The following ADPGK variants were observed in gnomAD, a reference collection of about 807,000 sequenced individuals.
ADPGK encodes ADP dependent glucokinase, also known as ADP-dependent glucokinase.
In ADPGK, 26 loss-of-function variants were observed where a neutral mutation model predicts 42.4. The observed-to-expected ratio is 0.61, with a 90% confidence interval of 0.45 to 0.85. ADPGK has a LOEUF of 0.85. ADPGK is among the 40% of genes least tolerant of loss of function. The probability of loss-of-function intolerance (pLI) is 0.00; values close to 1 mark genes in which losing one functional copy is unlikely to be tolerated. For synonymous variants in ADPGK, 267 were observed against 252.6 expected (o/e 1.06, Z -0.54); for missense variants, 571 against 627.0 (o/e 0.91, Z 0.95).
intron 4 of ADPGK, 185 bp downstream of exon 4, chr15:72,760,222 T>TC (rs1274594497): frequency 3.4e-6 from 2 of 585,478 alleles, no homozygotes; most frequent in Non-Finnish European, 5.3e-6. Context: ...GTTATAATAC[T>TC]CAGTCTCCCT....
chr15:72,772,461 T>C lies in ADPGK; in HGVS notation c.460-616A>G, dbSNP rs1321143328. On this transcript the variant is annotated intron_variant, in intron 2 of 6. Coordinates refer to ENST00000456471, the MANE Select transcript of ADPGK (RefSeq NM_001365225.1). ...ATCACTTTCCAAGAATCAGCTGCAG[T>C]GTCACCTCTTCTGTAATGCCTTCTC... Among the ~76,000 whole-genome samples, 3 of 152,154 alleles carry C rather than the reference T, an allele frequency of 2.0e-5. No individual in the cohort carries two copies. In the East Asian group the frequency reaches 5.8e-4, roughly 29 times the overall value.
chr15:72,781,189 G>A (rs2066453776), intron 1 of ADPGK, among the ~76,000 whole-genome samples: 2 of 152,150 alleles, frequency 1.3e-5, no homozygotes. Flanking sequence ...TAAATGATGA[G>A]AAGCAGTGAA....
intron 3 of ADPGK, among the ~76,000 whole-genome samples, chr15:72,767,236 G>A (rs1019405136): frequency 6.6e-6 from 1 of 152,098 alleles, no homozygotes; most frequent in Non-Finnish European, 1.5e-5. Context: ...TTAAAGGGAT[G>A]TAACAATCCT....
chr15:72,753,364 A>G (rs1214077063), intron 6 of ADPGK, among the ~76,000 whole-genome samples: 1 of 152,228 alleles, frequency 6.6e-6, no homozygotes, highest in Non-Finnish European at 1.5e-5. Flanking sequence ...AAAAGCATAC[A>G]GTTTCATGTT....
At chr15:72,776,291 C>T (rs976623031) in intron 1 of ADPGK, among the ~76,000 whole-genome samples, 2 of 152,162 alleles carry the variant, frequency 1.3e-5, no homozygotes, top group African/African-American at 4.8e-5. Context: ...CTTCCCGCCC[C>T]TACCCCTATC....
Position 72,758,198 on chromosome 15 carries a change from G to A in ADPGK, c.644-1751C>T, listed in dbSNP as rs775022831. The A allele has an allele frequency of 1.5e-5, 21 of 1,432,466 alleles. No homozygotes were observed. The South Asian group carries it at 1.5e-4, about 10-fold the overall frequency. 88.7% of individuals were successfully genotyped at this position (1,432,466 alleles called of 1,614,324 possible). ...CTCCAGCATATTCATGGCCCCGTTG[G>A]AGAGGCCATGCAGGGGGCAGATGCA... On this transcript the variant is annotated intron_variant, in intron 4 of 6. Coordinates refer to ENST00000456471, the MANE Select transcript of ADPGK (RefSeq NM_001365225.1).
intron 1 of ADPGK, among the ~76,000 whole-genome samples, chr15:72,775,525 T>C (rs1026403045): frequency 1.2e-4 from 19 of 152,228 alleles, no homozygotes; most frequent in Admixed American, 6.5e-4. Context: ...ATTTAACTCA[T>C]AGAGCTATGG....
intron 3 of ADPGK, among the ~76,000 whole-genome samples, chr15:72,761,905 C>T (rs1595793383): frequency 6.6e-6 from 1 of 151,856 alleles, no homozygotes; most frequent in East Asian, 1.9e-4. Context: ...CAGAGTCTCA[C>T]TCCGTCACCA....
At chr15:72,754,996 C>T (rs1413574971) in intron 6 of ADPGK, among the ~76,000 whole-genome samples, 1 of 152,118 alleles carries the variant, frequency 6.6e-6, no homozygotes, top group Non-Finnish European at 1.5e-5. Flanking sequence ...ATTTTTTAAC[C>T]AAATGAATAT....
chr15:72,783,537 G>A lies in ADPGK; in HGVS notation c.155C>T (p.Ser52Phe), dbSNP rs763964371. The change falls in exon 1 of 7, where the codon TCC (serine) becomes TTC (phenylalanine). Residue 52 changes from serine (S) to phenylalanine (F), a missense_variant. Coordinates refer to ENST00000456471, the MANE Select transcript of ADPGK (RefSeq NM_001365225.1). ...GPAPAPPGPV[S>F]PEGRLAAAWD... ...GGCTGCCGCCAACCGGCCCTCGGGG[G>A]AGACGGGTCCCGGGGGCGCAGGCGC... is the stretch of plus-strand genomic sequence containing the variant. The A allele has an allele frequency of 5.3e-5, 79 of 1,490,490 alleles. No homozygotes were observed. Among genetic ancestry groups the A allele is most frequent in the Non-Finnish European group, 6.2e-5 (70 of 1,127,266 alleles). 92.3% of individuals were successfully genotyped at this position (1,490,490 alleles called of 1,614,324 possible). A position where few individuals can be genotyped will look rare whatever the true frequency, so the allele number is the denominator to read the frequency against.
intron 6 of ADPGK, among the ~76,000 whole-genome samples, chr15:72,754,266 A>T (rs2066085005): frequency 6.6e-6 from 1 of 152,110 alleles, no homozygotes; most frequent in Admixed American, 6.5e-5. Context: ...CCATCTGCAG[A>T]TTCTAGTATC....
chr15:72,754,035 T>C (rs2066080218), intron 6 of ADPGK, among the ~76,000 whole-genome samples: 1 of 151,128 alleles, frequency 6.6e-6, no homozygotes, highest in Non-Finnish European at 1.5e-5. Context: ...GGAACTCTCT[T>C]GGATTCTGCT....
At chr15:72,769,026 CA>C (rs936548484) in intron 3 of ADPGK, among the ~76,000 whole-genome samples, 20 of 150,732 alleles carry the variant, frequency 1.3e-4, no homozygotes, top group African/African-American at 4.9e-4. Flanking sequence ...ACTTATTCTA[CA>C]AGGCCAGTAT....
intron 4 of ADPGK, 77 bp from the exon 5 acceptor site, chr15:72,756,524 C>A: frequency 6.7e-7 from 1 of 1,499,204 alleles, no homozygotes; most frequent in South Asian, 1.2e-5. Context: ...CACTTTCAGG[C>A]ACCTCACAGG....
chr15:72,753,455 A>G (rs1043651776), intron 6 of ADPGK, among the ~76,000 whole-genome samples: 2 of 152,246 alleles, frequency 1.3e-5, no homozygotes, highest in African/African-American at 4.8e-5. Context: ...AAAGATTACC[A>G]AACAGGTGCC....
Position 72,760,428 on chromosome 15 carries a change from G to A in ADPGK, c.622C>T (p.Leu208Phe). The A allele has an allele frequency of 6.2e-7, 1 of 1,607,248 alleles. No individual in the cohort carries two copies. Among genetic ancestry groups the A allele is most frequent in the Non-Finnish European group, 8.5e-7 (1 of 1,175,202 alleles). Residue 208 changes from leucine (L) to phenylalanine (F), a missense_variant, in exon 4 of 7, where the codon CTC (leucine) becomes TTC (phenylalanine). By Grantham distance (22) the Leu-to-Phe change is conservative. Transcript: ENST00000456471. ...ESLQEVDEFH[L>F]ILEYQAGEEW... ...TTACCTGCTTGATACTCTAAAATGA[G>A]GTGGAACTCATCCACTTCCTGCAAT...
intron 3 of ADPGK, among the ~76,000 whole-genome samples, chr15:72,765,185 C>T (rs1315856466): frequency 6.6e-6 from 1 of 152,088 alleles, no homozygotes; most frequent in African/African-American, 2.4e-5. Flanking sequence ...GGCTCTGTCG[C>T]CCAGGCTGGA....
chr15:72,783,699 C>T lies in ADPGK; in HGVS notation c.-8G>A, dbSNP rs190927369. 51 of 1,466,562 alleles carry T rather than the reference C, an allele frequency of 3.5e-5. No homozygotes were observed. Among genetic ancestry groups the T allele is most frequent in the Middle Eastern group, 1.8e-4 (1 of 5,486 alleles). 90.8% of individuals were successfully genotyped at this position (1,466,562 alleles called of 1,614,324 possible). ...GCCGCGCCACAGCGCCATGGGGACC[C>T]AGGCGCCGCACCTGCGCGAACCAAC... On this transcript the variant is annotated 5_prime_UTR_variant, in exon 1 of 7. Transcript: ENST00000456471.
At chr15:72,767,429 A>G (rs377235107) in intron 3 of ADPGK, among the ~76,000 whole-genome samples, 131 of 151,992 alleles carry the variant, frequency 8.6e-4, no homozygotes, top group East Asian at 4.0e-3. Context: ...GAACAACACT[A>G]TCAATCAACT....
Sources: gnomAD v4.1 joint callset for allele counts (sites outside exome capture counted in the v4.1 genomes callset) on GRCh38, gnomAD v4.1.1 for gene constraint, MANE v1.5 for transcripts, NCBI Gene and HGNC (gene_info 2026-07-23, HGNC 2026-07-21) for gene names.